Variants in UBN1 observed in about 807,000 individuals in gnomAD.
UBN1 encodes ubinuclein-1.
UBN1 carries 17 observed loss-of-function variants against 108.5 expected under a neutral mutation model. That is an observed-to-expected ratio of 0.16 (90% CI 0.11 to 0.24). UBN1 has a LOEUF of 0.24. Among genes scored for constraint, UBN1 ranks in the 10% least tolerant of loss-of-function variants. UBN1 has a pLI of 1.00. For missense variants in UBN1, 1,595 were observed against 1,394.4 expected, an observed-to-expected ratio of 1.14 and a Z score of -2.29; for synonymous variants, 726 against 564.2, an observed-to-expected ratio of 1.29 and a Z score of -4.07.
At chr16:4,866,559 C>G (rs1280559281) in intron 7 of UBN1, among the ~76,000 whole-genome samples, 1 of 152,248 alleles carries the variant, frequency 6.6e-6, no homozygotes, top group Non-Finnish European at 1.5e-5. Flanking sequence ...GTCACCCAGG[C>G]TGGAGTGCAG....
Position 4,882,009 on chromosome 16 carries a change from G to GT in UBN1, c.*1878dup, listed in dbSNP as rs2088087818. The GT allele has an allele frequency of 6.6e-6, 1 of 152,370 alleles. No homozygotes were observed. The highest frequency in any genetic ancestry group is 1.9e-4 in the East Asian group (1 of 5,162). 9.4% of individuals were successfully genotyped at this position (152,370 alleles called of 1,614,324 possible). A position where few individuals can be genotyped will look rare whatever the true frequency, so the allele number is the denominator to read the frequency against. ...GAATACCCTCATTTTTAGGAATCTAGTGATGCCTCTTGCCTCAGGGAAACG... is the reference window on the plus strand; with the variant it reads ...GAATACCCTCATTTTTAGGAATCTAGTTGATGCCTCTTGCCTCAGGGAAACG... On this transcript the variant is annotated 3_prime_UTR_variant, in exon 18 of 18. Coordinates refer to ENST00000262376, the MANE Select transcript of UBN1 (RefSeq NM_001079514.3).
intron 2 of UBN1, among the ~76,000 whole-genome samples, chr16:4,856,391 G>A (rs919586109): frequency 6.6e-6 from 1 of 152,214 alleles, no homozygotes; most frequent in African/African-American, 2.4e-5. Context: ...CATTTGTGCA[G>A]CAGTTCTTTT....
chr16:4,881,152 C>G lies in UBN1; in HGVS notation c.*1020C>G, dbSNP rs890915961. 1 of 152,594 alleles carries G rather than the reference C, an allele frequency of 6.6e-6. No individual in the cohort carries two copies. Among genetic ancestry groups the G allele is most frequent in the African/African-American group, 2.4e-5 (1 of 41,428 alleles). 9.5% of individuals were successfully genotyped at this position (152,594 alleles called of 1,614,324 possible). ...CAGAGCCCTTCATCTCTCTGAGGGTCAAGGATACCAGGGGTCCCAAGTCAC... is the reference window on the plus strand; with the variant it reads ...CAGAGCCCTTCATCTCTCTGAGGGTGAAGGATACCAGGGGTCCCAAGTCAC... On this transcript the variant is annotated 3_prime_UTR_variant, in exon 18 of 18. Transcript: ENST00000262376.
rs763519197 is a variant in UBN1 at position 4,877,428 on chromosome 16, T to C, written c.3309T>C (p.Pro1103=). Residue 1103 remains proline, a synonymous_variant, in exon 17 of 18, where the codon CCT becomes CCC. Transcript: ENST00000262376. The surrounding 1 kb of genome is among the most constrained non-coding windows in gnomAD (Gnocchi z 4.3). ...GLHSSPPHAA[P]LPHAAVPTHI... ...ACTCCAGCCCGCCCCATGCAGCGCC[T>C]CTCCCACACGCTGCGGTGCCCACCC... is the stretch of plus-strand genomic sequence containing the variant. 4 of 1,612,576 alleles carry C rather than the reference T, an allele frequency of 2.5e-6. No individual in the cohort carries two copies. In the Admixed American group the frequency reaches 6.7e-5, roughly 27 times the overall value.
rs147843653 is a variant in UBN1 at position 4,870,142 on chromosome 16, G to A, written c.1182-70G>A. ...GTTGGCTCCTAGCTTTCCTCTCCAC[G>A]TACGGTGAGCTGATGAAGACAGGAG... is the stretch of plus-strand genomic sequence containing the variant. On this transcript the variant is annotated intron_variant, in intron 8 of 17. Transcript: ENST00000262376. 1,631 of 1,601,428 alleles carry A rather than the reference G, an allele frequency of 1.0e-3. 9 individuals are homozygous for A. The African/African-American group carries it at 0.02, about 19-fold the overall frequency.
chr16:4,881,643 C>G lies in UBN1; in HGVS notation c.*1511C>G, dbSNP rs1174415236. ...TTCCCGGTTTCCCAAGGAGCAAGACCTCTGTCCGCCCTTTGGCCCGGCCTC... is the reference window on the plus strand; with the variant it reads ...TTCCCGGTTTCCCAAGGAGCAAGACGTCTGTCCGCCCTTTGGCCCGGCCTC... On this transcript the variant is annotated 3_prime_UTR_variant, in exon 18 of 18. Coordinates refer to ENST00000262376, the MANE Select transcript of UBN1 (RefSeq NM_001079514.3). 2 of 152,194 alleles carry G rather than the reference C, an allele frequency of 1.3e-5. No individual in the cohort carries two copies. The highest frequency in any genetic ancestry group is 4.8e-5 in the African/African-American group (2 of 41,432). 9.4% of individuals were successfully genotyped at this position (152,194 alleles called of 1,614,324 possible).
At position 4,874,251 on chromosome 16, in the gene UBN1, C is replaced by T. The variant is rs1370442829; in HGVS notation, c.1841C>T (p.Ser614Leu). The T allele has an allele frequency of 6.2e-7, 1 of 1,604,230 alleles. No homozygotes were observed. The highest frequency in any genetic ancestry group is 1.7e-5 in the Admixed American group (1 of 58,268). ...CCTGATAAAAAGGTTTCTGTCCCAT[C>T]AGGACAGATTGGTGGCCCCATTGCT... ...TKPDKKVSVP[S>L]GQIGGPIALP... is the part of the protein sequence containing the mutation. Residue 614 changes from serine to leucine, a missense_variant, in exon 15 of 18, where the codon TCA becomes TTA. This residue lies in a region of UBN1 where 1,398 missense variants were observed against 1,194.7 expected (regional missense o/e 1.17). Coordinates refer to ENST00000262376, the MANE Select transcript of UBN1 (RefSeq NM_001079514.3).
chr16:4,848,527 C>A (rs1406888387), intron 1 of UBN1: 2 of 152,200 alleles, frequency 1.3e-5, no homozygotes, highest in African/African-American at 4.8e-5. Flanking sequence ...ACACGCATTT[C>A]CCCAAGGCAT....
chr16:4,868,691 A>T (rs541388825), intron 7 of UBN1, 142 bp from the exon 8 acceptor site: 1 of 696,226 alleles, frequency 1.4e-6, no homozygotes, highest in South Asian at 2.0e-5. Flanking sequence ...TTAACCTGGG[A>T]CTAGGGTGGA....
At chr16:4,868,719 G>A in intron 7 of UBN1, 114 bp from the exon 8 acceptor site, 1 of 938,662 alleles carries the variant, frequency 1.1e-6, no homozygotes, top group Non-Finnish European at 1.6e-6. Flanking sequence ...AGGTGGCGGT[G>A]TGACTGTATT....
chr16:4,868,785 CAT>C (rs771602657), intron 7 of UBN1, 46 bp from the exon 8 acceptor site: 7 of 1,591,430 alleles, frequency 4.4e-6, no homozygotes, highest in East Asian at 2.2e-5. Flanking sequence ...GCGTAAGGGA[CAT>C]GTGGGGAAAG....
intron 6 of UBN1, 22 bp from the exon 7 acceptor site, chr16:4,860,642 C>T: frequency 1.9e-6 from 3 of 1,595,200 alleles, no homozygotes; most frequent in Non-Finnish European, 2.6e-6. Flanking sequence ...GTCTGAGTGA[C>T]CAGTTTCCCT....
rs566863233 is a variant in UBN1, at chr16:4,870,892, G to A, written c.1479G>A (p.Ser493=). 63 of 1,614,056 alleles carry A rather than the reference G, an allele frequency of 3.9e-5. No homozygotes were observed. In the Middle Eastern group the frequency reaches 8.3e-4, roughly 21 times the overall value. The change falls in exon 11 of 18, where the codon TCG becomes TCA. Residue 493 remains serine (S), a synonymous_variant. Coordinates refer to ENST00000262376, the MANE Select transcript of UBN1 (RefSeq NM_001079514.3). The stretch of plus-strand genomic sequence containing the variant: ...AGGAGCAGAGGGACCGGATTTGTTC[G>A]GATGAGGAAGAAGATGAAGAAAAAG... The part of the protein sequence containing the change: ...KDKEQRDRIC[S]DEEEDEEKGG...
chr16:4,860,982 A>C lies in UBN1; in HGVS notation c.990A>C (p.Arg330=). The change falls in exon 7 of 18, where the codon CGA becomes CGC. Residue 330 remains arginine, a synonymous_variant. Coordinates refer to ENST00000262376, the MANE Select transcript of UBN1 (RefSeq NM_001079514.3). ...AGTCTCCAGAAGGAAGTCCCTTCCG[A>C]GATATGGATGATGGAAGTGATTCCC... ...LSESPEGSPF[R]DMDDGSDSLG... 1 of 1,614,198 alleles carries C rather than the reference A, an allele frequency of 6.2e-7. No individual in the cohort carries two copies. The highest frequency in any genetic ancestry group is 2.2e-5 in the East Asian group (1 of 44,882).
chr16:4,870,848 C>A lies in UBN1; in HGVS notation c.1435C>A (p.Leu479Met). 1 of 1,613,740 alleles carries A rather than the reference C, an allele frequency of 6.2e-7. No homozygotes were observed. The highest frequency in any genetic ancestry group is 8.5e-7 in the Non-Finnish European group (1 of 1,179,858). ...AHTQAKVAKM[L>M]EEEKDKEQRD... ...GTAATTCTATTCACCCCGTAGGATG[C>A]TGGAAGAGGAGAAAGACAAGGAGCA... The change falls in exon 11 of 18, where the codon CTG (leucine) becomes ATG (methionine). Residue 479 changes from leucine (L) to methionine (M), a missense_variant. Around this residue, in one of 3 missense-constraint regions of UBN1, gnomAD observed 1,398 missense variants for 1,194.7 expected, o/e 1.17. Transcript: ENST00000262376.
rs1438042196 is a variant in UBN1, at chr16:4,860,884, G to C, written c.892G>C (p.Asp298His). 1.9e-6 allele frequency: 3 copies of C among 1,614,258 alleles called. No individual in the cohort carries two copies. Residue 298 changes from aspartate to histidine, a missense_variant, in exon 7 of 18, where the codon GAC becomes CAC. Physicochemically the swap from Asp to His is moderately conservative, Grantham distance 81. Around this residue, in one of 3 missense-constraint regions of UBN1, gnomAD observed 1,398 missense variants for 1,194.7 expected, o/e 1.17. Transcript: ENST00000262376. ...PLLSLFGSTS[D>H]NDLLQAATAM... ...GCTCTCACTCTTTGGCTCTACTTCT[G>C]ACAACGACTTGCTCCAGGCGGCCAC...
In UBN1 at chr16:4,874,990, C is replaced by T; in HGVS notation, c.2580C>T (p.Ala860=). 1.2e-6 allele frequency: 2 copies of T among 1,614,154 alleles called. No homozygotes were observed. Among genetic ancestry groups the T allele is most frequent in the Non-Finnish European group, 1.7e-6 (2 of 1,180,046 alleles). ...KGQGFHPSAP[A]TSGGLSASSS... ...AGGGCTTCCATCCCTCTGCACCAGCCACCTCAGGAGGCCTGTCAGCCTCCA... is the reference window on the plus strand; with the variant it reads ...AGGGCTTCCATCCCTCTGCACCAGCTACCTCAGGAGGCCTGTCAGCCTCCA... Residue 860 remains alanine, a synonymous_variant, in exon 15 of 18, where the codon GCC becomes GCT. Transcript: ENST00000262376.
chr16:4,877,167 G>T lies in UBN1; in HGVS notation c.3265+56G>T. The stretch of plus-strand genomic sequence containing the variant: ...CAGGAACCTCTAGATTGTGGCCAGG[G>T]GTCCTGCTGTTGTGTACTCTGGTTC... On this transcript the variant is annotated intron_variant, in intron 16 of 17. Transcript: ENST00000262376. The surrounding 1 kb of genome is among the most constrained non-coding windows in gnomAD (Gnocchi z 4.3). 1 of 1,548,336 alleles carries T rather than the reference G, an allele frequency of 6.5e-7. No individual in the cohort carries two copies. The highest frequency in any genetic ancestry group is 1.2e-5 in the South Asian group (1 of 80,078).
intron 7 of UBN1, among the ~76,000 whole-genome samples, chr16:4,865,681 G>A (rs1207846839): frequency 8.3e-6 from 1 of 120,484 alleles, no homozygotes; most frequent in Non-Finnish European, 1.7e-5. Context: ...AAAATAAGAT[G>A]CTGGGCATGG....
Sources: gnomAD v4.1 joint callset for allele counts (sites outside exome capture counted in the v4.1 genomes callset) on GRCh38, gnomAD v4.1.1 for gene constraint, gnomAD v4.1.1 regional missense constraint, Gnocchi (gnomAD v3.1) non-coding constraint, MANE v1.5 for transcripts, NCBI Gene and HGNC (gene_info 2026-07-23, HGNC 2026-07-21) for gene names.